FAM50A: variants seen among roughly 807,000 people sequenced by gnomAD.
FAM50A encodes the protein protein FAM50A.
In FAM50A, 6 loss-of-function variants were observed where a neutral mutation model predicts 35.5. That is an observed-to-expected ratio of 0.17 (90% CI 0.09 to 0.33). FAM50A has a LOEUF of 0.33. Ranked by LOEUF, FAM50A falls within the 10% of genes least tolerant of loss-of-function variation. FAM50A has a pLI of 1.00. For synonymous variants in FAM50A, 120 were observed against 110.9 expected, an observed-to-expected ratio of 1.08 and a Z score of -0.52; for missense variants, 145 against 295.5, an observed-to-expected ratio of 0.49 and a Z score of 3.73.
chrX:154,447,524 T>C (rs1557199949), intron 4 of FAM50A, among the ~76,000 whole-genome samples: 2 of 112,295 alleles, frequency 1.8e-5, no homozygotes, highest in African/African-American at 6.5e-5. Context: ...TAGTATGACA[T>C]TGTATTTAAC....
rs781946811 is a variant in FAM50A, at chrX:154,450,295, T to C, written c.987T>C (p.Pro329=). Residue 329 remains proline, a synonymous_variant, in exon 12 of 13, where the codon CCT becomes CCC. Coordinates refer to ENST00000393600, the MANE Select transcript of FAM50A (RefSeq NM_004699.4). ...CCAGCCGCTGGGAACCCTACGACCC[T>C]GAAAAGAAGTGGGACAAGTACACGG... is the stretch of plus-strand genomic sequence containing the variant. ...FPASRWEPYD[P]EKKWDKYTIR is the part of the protein sequence containing the mutation. 8.3e-7 allele frequency: 1 copy of C among 1,210,380 alleles called. No homozygotes were observed. The highest frequency in any genetic ancestry group is 1.1e-6 in the Non-Finnish European group (1 of 894,451).
intron 4 of FAM50A, 21 bp downstream of exon 4, chrX:154,446,581 G>A: frequency 1.2e-5 from 14 of 1,130,256 alleles, no homozygotes; most frequent in Non-Finnish European, 1.6e-5. Context: ...GCTTGAGTCG[G>A]AGCCCCGCCC....
chrX:154,450,318 C>T lies in FAM50A; in HGVS notation c.1010C>T (p.Thr337Met), dbSNP rs782121006. The T allele has an allele frequency of 4.1e-6, 5 of 1,208,052 alleles. No individual in the cohort carries two copies. Among genetic ancestry groups the T allele is most frequent in the East Asian group, 3.0e-5 (1 of 33,823 alleles). The change falls in exon 12 of 13, where the codon ACG (threonine) becomes ATG (methionine). Residue 337 changes from threonine to methionine, a missense_variant and splice_region_variant. By Grantham distance (81) the Thr-to-Met change is moderately conservative. Transcript: ENST00000393600. ...YDPEKKWDKY[T>M]IR ...CCTGAAAAGAAGTGGGACAAGTACA[C>T]GGTGAGGAGGGGCTGGCAGGGACCC...
chrX:154,447,713 G>A (rs1277595893), intron 4 of FAM50A, among the ~76,000 whole-genome samples: 2 of 111,452 alleles, frequency 1.8e-5, no homozygotes, highest in Non-Finnish European at 3.8e-5. Context: ...GCTTACTTCA[G>A]CCTTGACCTC....
In FAM50A at chrX:154,446,371, C is replaced by T. The variant is rs372065113; in HGVS notation, c.297-44C>T. 70 of 1,154,911 alleles carry T rather than the reference C, an allele frequency of 6.1e-5. No homozygotes were observed. The African/African-American group carries it at 7.5e-4, about 12-fold the overall frequency. ...GTCAAGGAAGGGGCTGGGTCAGGGT[C>T]GGGAAGGACATGATGTGTGATGGGG... On this transcript the variant is annotated intron_variant, in intron 3 of 12. Transcript: ENST00000393600.
At chrX:154,444,435 T>G (rs2148231098) in intron 1 of FAM50A, 89 bp downstream of exon 1, 2 of 482,406 alleles carry the variant, frequency 4.1e-6, no homozygotes, top group Non-Finnish European at 5.6e-6. Context: ...CCTGGGGCGG[T>G]GGCCACGGAG....
Position 154,448,632 on chromosome X carries a change from C to T in FAM50A, c.520-58C>T, listed in dbSNP as rs185213975. ...GGAGACCCTTGCTTAGGGAGCCAGG[C>T]TCTGCGTGCACCCTGAGCAGCCCTG... On this transcript the variant is annotated intron_variant, in intron 5 of 12. Transcript: ENST00000393600. 9 of 1,178,415 alleles carry T rather than the reference C, an allele frequency of 7.6e-6. No homozygotes were observed. In the East Asian group the frequency reaches 2.7e-4, roughly 35 times the overall value.
chrX:154,448,833 G>A (rs948049024), intron 6 of FAM50A, 60 bp from the exon 7 acceptor site: 29 of 1,189,067 alleles, frequency 2.4e-5, no homozygotes, highest in South Asian at 3.6e-5. Flanking sequence ...TGGGTGGTGC[G>A]CTGAGCCCCA....
chrX:154,445,336 G>A (rs2068778040), intron 1 of FAM50A: 1 of 349,153 alleles, frequency 2.9e-6, no homozygotes, highest in Non-Finnish European at 5.1e-6. Context: ...CTTGGGTCTC[G>A]GAAGCTTCAG....
chrX:154,444,241 T>C lies in FAM50A; in HGVS notation c.6T>C (p.Ala2=). 3.0e-6 allele frequency: 3 copies of C among 991,221 alleles called. No individual in the cohort carries two copies. The highest frequency in any genetic ancestry group is 3.9e-6 in the Non-Finnish European group (3 of 774,708). 81.7% of individuals were successfully genotyped at this position (991,221 alleles called of 1,213,427 possible). ...CCGCCGCCGCCGCCGCTGCCATGGC[T>C]CAATACAAGGGCGCCGCGAGCGAGG... M[A]QYKGAASEAG... The change falls in exon 1 of 13, where the codon GCT becomes GCC. Residue 2 remains alanine, a synonymous_variant. Coordinates refer to ENST00000393600, the MANE Select transcript of FAM50A (RefSeq NM_004699.4).
intron 4 of FAM50A, among the ~76,000 whole-genome samples, chrX:154,447,949 CTCCACAGGT>C (rs1246117665): frequency 9.0e-6 from 1 of 111,239 alleles, no homozygotes; most frequent in Admixed American, 9.5e-5. Context: ...TCTTCCCTCC[CTCCACAGGT>C]TCCGTTTAGG....
Position 154,450,437 on chromosome X carries a change from C to T in FAM50A, c.*5C>T, listed in dbSNP as rs782103246. On this transcript the variant is annotated 3_prime_UTR_variant, in exon 13 of 13. Coordinates refer to ENST00000393600, the MANE Select transcript of FAM50A (RefSeq NM_004699.4). ...TCCTCACACTAGATCCGCTGAGCATCCAGGAGGCTGCGCGGCCCCGGCTCC... is the reference window on the plus strand; with the variant it reads ...TCCTCACACTAGATCCGCTGAGCATTCAGGAGGCTGCGCGGCCCCGGCTCC... 81 of 1,208,316 alleles carry T rather than the reference C, an allele frequency of 6.7e-5. No homozygotes were observed. The Admixed American group carries it at 1.7e-3, about 26-fold the overall frequency.
Position 154,444,314 on chromosome X carries a change from C to G in FAM50A, c.79C>G (p.Gln27Glu). ...GAAGAAGCGGGAGAAGCAGCGCGAG[C>G]AGATGGAGCAGATGAAGCAGCGCAT... ...LMKKREKQRE[Q>E]MEQMKQRIAE... is the part of the protein sequence containing the mutation. Residue 27 changes from glutamine to glutamate, a missense_variant, in exon 1 of 13, where the codon CAG becomes GAG. This residue lies in a region of FAM50A where 19 missense variants were observed against 16.3 expected (regional missense o/e 1.17). Transcript: ENST00000393600. 1 of 1,117,187 alleles carries G rather than the reference C, an allele frequency of 9.0e-7. No individual in the cohort carries two copies. The allele number at this position is 1,117,187 out of a possible 1,213,427, so 92.1% of individuals were successfully genotyped here.
rs781785747 is a variant in FAM50A, at chrX:154,444,203, CCCGCCGCCGCCG to C, written c.-16_-5del. On this transcript the variant is annotated 5_prime_UTR_variant, in exon 1 of 13. Transcript: ENST00000393600. ...GCTGTCGCTGTCGCCGCCGCCGCCG[CCCGCCGCCGCCG>C]CCGCCGCCGCCGCCGCTGCCATGGC... The C allele has an allele frequency of 5.6e-4, 360 of 640,019 alleles. 2 individuals are homozygous for C. The highest frequency in any genetic ancestry group is 8.1e-4 in the Middle Eastern group (1 of 1,234). 52.7% of individuals were successfully genotyped at this position (640,019 alleles called of 1,213,427 possible).
chrX:154,448,978 C>T (rs1557200161), intron 7 of FAM50A, 24 bp downstream of exon 7: 2 of 1,183,430 alleles, frequency 1.7e-6, no homozygotes, highest in South Asian at 3.6e-5. Context: ...AGCCTGCTTC[C>T]TGCTCACCAT....
In FAM50A at chrX:154,449,750, C is replaced by T. The variant is rs782198713; in HGVS notation, c.780+15C>T. On this transcript the variant is annotated intron_variant, in intron 9 of 12. Transcript: ENST00000393600. Reference sequence around the variant, plus strand: ...TCATCCCTCACGTGAGTCCCTTCAGCCCCAGTACCCGCAGTGGGTGCAGCA... The same window carrying T: ...TCATCCCTCACGTGAGTCCCTTCAGTCCCAGTACCCGCAGTGGGTGCAGCA... The T allele has an allele frequency of 8.4e-5, 101 of 1,200,181 alleles. No individual in the cohort carries two copies. The Admixed American group carries it at 2.1e-3, about 24-fold the overall frequency.
At chrX:154,449,083 C>G in intron 7 of FAM50A, 129 bp downstream of exon 7, 1 of 890,966 alleles carries the variant, frequency 1.1e-6, no homozygotes, top group African/African-American at 2.0e-5. Context: ...CAGGGCCTGG[C>G]CCCCTGTCTG....
intron 4 of FAM50A, among the ~76,000 whole-genome samples, chrX:154,447,002 C>T (rs1237277066): frequency 8.9e-6 from 1 of 112,229 alleles, no homozygotes; most frequent in Non-Finnish European, 1.9e-5. Context: ...TGCCACACAC[C>T]TGTGCTGTGC....
At chrX:154,444,410 T>G in intron 1 of FAM50A, 64 bp downstream of exon 1, 1 of 721,785 alleles carries the variant, frequency 1.4e-6, no homozygotes, top group Non-Finnish European at 1.9e-6. Context: ...CGCGCCACGC[T>G]CCGGCCCTGG....
Sources: gnomAD v4.1 joint callset for allele counts (sites outside exome capture counted in the v4.1 genomes callset) on GRCh38, gnomAD v4.1.1 for gene constraint, gnomAD v4.1.1 regional missense constraint, MANE v1.5 for transcripts, NCBI Gene and HGNC (gene_info 2026-07-23, HGNC 2026-07-21) for gene names.